Variants in RAB1A observed in about 807,000 individuals in gnomAD.
RAB1A encodes the protein ras-related protein Rab-1A.
RAB1A carries 2 observed loss-of-function variants against 26.0 expected under a neutral mutation model. The observed-to-expected ratio is 0.08, with a 90% CI of 0.03 to 0.24. RAB1A has a LOEUF of 0.24. RAB1A is among the 10% of genes least tolerant of loss of function. RAB1A has a pLI of 1.00. For missense variants in RAB1A, 100 were observed against 247.0 expected (o/e 0.40, Z 3.99); for synonymous variants, 84 against 84.9 (o/e 0.99, Z 0.06).
chr2:65,093,474 G>A (rs999477216), intron 3 of RAB1A, among the ~76,000 whole-genome samples: 2 of 151,978 alleles, frequency 1.3e-5, no homozygotes, highest in African/African-American at 4.8e-5. Flanking sequence ...AGACCCAGAT[G>A]TCACACCTGA....
intron 3 of RAB1A, among the ~76,000 whole-genome samples, chr2:65,095,414 A>G (rs1267474078): frequency 1.3e-5 from 2 of 151,860 alleles, no homozygotes; most frequent in East Asian, 3.9e-4. Context: ...CAATGGTGCA[A>G]TCTTGCCTCA....
At chr2:65,103,346 C>A (rs1669481487) in intron 2 of RAB1A, among the ~76,000 whole-genome samples, 2 of 139,748 alleles carry the variant, frequency 1.4e-5, no homozygotes, top group Non-Finnish European at 3.1e-5. Context: ...CATTTCTTCA[C>A]AAATATTTTT....
Position 65,117,308 on chromosome 2 carries a change from C to T in RAB1A, c.24-12502G>A, listed in dbSNP as rs145258767. Reference sequence around the variant, plus strand: ...CAAACTCCTGGCCTCAGGCAATCCTCCCACCTCAGCCTCCCAAGTGGTTGG... The same window carrying T: ...CAAACTCCTGGCCTCAGGCAATCCTTCCACCTCAGCCTCCCAAGTGGTTGG... On this transcript the variant is annotated intron_variant, in intron 1 of 5. Coordinates refer to ENST00000409784, the MANE Select transcript of RAB1A (RefSeq NM_004161.5). Among the ~76,000 whole-genome samples the T allele has an allele frequency of 9.9e-4, 151 of 152,280 alleles. 1 individual carries two copies. In the East Asian group the frequency reaches 0.013, roughly 13 times the overall value.
chr2:65,124,039 G>A (rs892726639), intron 1 of RAB1A, among the ~76,000 whole-genome samples: 28 of 152,066 alleles, frequency 1.8e-4, no homozygotes, highest in Non-Finnish European at 3.8e-4. Context: ...CCAGGCTGGA[G>A]TGCAGTGGCC....
rs1670203361 is a variant in RAB1A at position 65,130,053 on chromosome 2, C to T, written c.-138G>A. 1.0e-6 allele frequency: 1 copy of T among 957,948 alleles called. No individual in the cohort carries two copies. Among genetic ancestry groups the T allele is most frequent in the South Asian group, 1.4e-5 (1 of 71,392 alleles). The allele number at this position is 957,948 out of a possible 1,614,324, so 59.3% of individuals were successfully genotyped here. A position where few individuals can be genotyped will look rare whatever the true frequency, so the allele number is the denominator to read the frequency against. On this transcript the variant is annotated 5_prime_UTR_variant, in exon 1 of 6. Transcript: ENST00000409784. The stretch of plus-strand genomic sequence containing the variant: ...AGCAAACGTCTTCCCCTACTCCGTC[C>T]CCTAGAACACAATCAGCAGCCGCCG...
At chr2:65,091,137 T>A in intron 3 of RAB1A, 59 bp from the exon 4 acceptor site, 1 of 1,335,500 alleles carries the variant, frequency 7.5e-7, no homozygotes, top group Non-Finnish European at 1.1e-6. Flanking sequence ...TGGGGAAAAG[T>A]GTAGGAGGGA....
chr2:65,092,045 C>T (rs968530944), intron 3 of RAB1A, among the ~76,000 whole-genome samples: 1 of 152,112 alleles, frequency 6.6e-6, no homozygotes, highest in Non-Finnish European at 1.5e-5. Context: ...GGGGCCGAGA[C>T]GGGCGGATTA....
intron 2 of RAB1A, among the ~76,000 whole-genome samples, chr2:65,102,611 A>G (rs999419923): frequency 1.4e-5 from 2 of 142,588 alleles, no homozygotes; most frequent in African/African-American, 5.2e-5. Flanking sequence ...TCTGTCTGTT[A>G]GCTGTTCTTT....
chr2:65,104,091 A>C (rs760006475), intron 2 of RAB1A, among the ~76,000 whole-genome samples: 6 of 152,118 alleles, frequency 3.9e-5, no homozygotes, highest in Non-Finnish European at 7.4e-5. Context: ...AAACATGCTA[A>C]ATTTAAAGGT....
At chr2:65,106,288 CA>C (rs1472230576) in intron 1 of RAB1A, 1 of 248,322 alleles carries the variant, frequency 4.0e-6, no homozygotes, top group Non-Finnish European at 8.2e-6. Context: ...AGAAGATATA[CA>C]TGATTTTGTA....
chr2:65,095,516 C>CT (rs35819441), intron 3 of RAB1A, among the ~76,000 whole-genome samples: 77,746 of 125,812 alleles, frequency 0.62, 24,426 homozygotes, highest in East Asian at 0.65. Context: ...CACCTGGTTA[C>CT]TTTTTTTTTT....
chr2:65,124,402 C>T (rs938222131), intron 1 of RAB1A, among the ~76,000 whole-genome samples: 1 of 151,992 alleles, frequency 6.6e-6, no homozygotes, highest in Non-Finnish European at 1.5e-5. Context: ...GAGGCACAGT[C>T]GCTACAAAAA....
intron 1 of RAB1A, among the ~76,000 whole-genome samples, chr2:65,112,711 G>A (rs1209597867): frequency 6.6e-6 from 1 of 152,196 alleles, no homozygotes; most frequent in African/African-American, 2.4e-5. Context: ...GGAGGAGGCT[G>A]AGAGAAATTA....
intron 1 of RAB1A, chr2:65,105,256 A>G: frequency 5.2e-5 from 11 of 213,102 alleles, no homozygotes; most frequent in Non-Finnish European, 9.6e-5. Flanking sequence ...TGTAATCCCA[A>G]CACTTTGGGA....
At chr2:65,089,744 C>T (rs1487807880) in intron 4 of RAB1A, among the ~76,000 whole-genome samples, 4 of 141,976 alleles carry the variant, frequency 2.8e-5, no homozygotes, top group Non-Finnish European at 6.0e-5. Flanking sequence ...GTTCTGTCAT[C>T]CAGGCTGGAG....
At chr2:65,121,332 G>T (rs563649851) in intron 1 of RAB1A, among the ~76,000 whole-genome samples, 1 of 151,420 alleles carries the variant, frequency 6.6e-6, no homozygotes, top group South Asian at 2.1e-4. Context: ...CCAAAAGAAT[G>T]GTCCCTCTTG....
At chr2:65,121,143 A>C (rs911437339) in intron 1 of RAB1A, among the ~76,000 whole-genome samples, 2 of 146,756 alleles carry the variant, frequency 1.4e-5, no homozygotes, top group African/African-American at 5.0e-5. Context: ...CTGAGACAGG[A>C]GGATCACTAG....
intron 1 of RAB1A, among the ~76,000 whole-genome samples, chr2:65,115,503 G>A (rs1411255181): frequency 6.6e-6 from 1 of 152,122 alleles, no homozygotes; most frequent in Admixed American, 6.6e-5. Context: ...GGAGACAAGA[G>A]GTAAGAACTT....
intron 1 of RAB1A, among the ~76,000 whole-genome samples, chr2:65,109,987 A>G (rs766190772): frequency 2.4e-4 from 37 of 152,212 alleles, no homozygotes; most frequent in Non-Finnish European, 4.3e-4. Flanking sequence ...TGCCTTTTAC[A>G]AAGCATGTGC....
Sources: allele counts gnomAD v4.1 joint callset (sites outside exome capture counted in the v4.1 genomes callset), GRCh38; gene constraint gnomAD v4.1.1; transcripts MANE v1.5; gene names NCBI Gene and HGNC (gene_info 2026-07-23, HGNC 2026-07-21).